The following ANK3 variants were observed in gnomAD, a reference collection of about 807,000 sequenced individuals.
ANK3 encodes the protein ankyrin 3, also known as ankyrin-3.
ANK3 carries 57 observed loss-of-function variants against 370.9 expected under a neutral mutation model. That is an observed-to-expected ratio of 0.15 (90% CI 0.12 to 0.19). ANK3 has a LOEUF of 0.19. Among genes scored for constraint, ANK3 ranks in the 10% least tolerant of loss-of-function variants. The pLI, the probability that ANK3 is intolerant of heterozygous loss-of-function variation, is 1.00. For synonymous variants in ANK3, 1,929 were observed against 1,946.3 expected, an observed-to-expected ratio of 0.99 and a Z score of 0.23; for missense variants, 4,439 against 5,302.1, an observed-to-expected ratio of 0.84 and a Z score of 5.06.
chr10:60,444,938 G>A (rs759043993), intron 2 of ANK3, among the ~76,000 whole-genome samples: 2 of 152,034 alleles, frequency 1.3e-5, no homozygotes, highest in Non-Finnish European at 2.9e-5. Context: ...TTCTAAAAAT[G>A]AACTCTTTCT....
At chr10:60,347,900 A>T (rs1209297704) in intron 1 of ANK3, among the ~76,000 whole-genome samples, 3 of 152,090 alleles carry the variant, frequency 2.0e-5, no homozygotes, top group African/African-American at 7.2e-5. Flanking sequence ...TAAACTCTCA[A>T]TAAAGTGTGC....
At chr10:60,531,365 G>A (rs2076601694) in intron 2 of ANK3, among the ~76,000 whole-genome samples, 1 of 152,036 alleles carries the variant, frequency 6.6e-6, no homozygotes, top group Non-Finnish European at 1.5e-5. Context: ...GAGGTTCAGT[G>A]TGTATATATT....
chr10:60,360,274 C>T (rs1018316171), intron 1 of ANK3, among the ~76,000 whole-genome samples: 2 of 152,184 alleles, frequency 1.3e-5, no homozygotes, highest in Non-Finnish European at 2.9e-5. Context: ...TTATCAGAAA[C>T]AATTCTTTTA....
chr10:60,074,839 C>G lies in ANK3; in HGVS notation c.6042G>C (p.Glu2014Asp), dbSNP rs764006864. The change falls in exon 37 of 44, where the codon GAG becomes GAC. Residue 2014 changes from glutamate to aspartate, a missense_variant. By Grantham distance (45) the Glu-to-Asp change is conservative (BLOSUM62 2). Coordinates refer to ENST00000280772, the MANE Select transcript of ANK3 (RefSeq NM_020987.5). Reference protein sequence around the residue: ...AAASQSPSLPERVQVKAKAAS... With the variant: ...AAASQSPSLPDRVQVKAKAAS... Reference sequence around the variant, plus strand: ...CGGCTTTTGCTTTTACTTGCACTCTCTCTGGCAGAGATGGAGACTGGCTCG... The same window carrying G: ...CGGCTTTTGCTTTTACTTGCACTCTGTCTGGCAGAGATGGAGACTGGCTCG... 1.2e-6 allele frequency: 2 copies of G among 1,613,590 alleles called. No homozygotes were observed. Among genetic ancestry groups the G allele is most frequent in the African/African-American group, 2.7e-5 (2 of 74,878 alleles).
chr10:60,634,757 G>A (rs933069889), intron 1 of ANK3, among the ~76,000 whole-genome samples: 1 of 152,064 alleles, frequency 6.6e-6, no homozygotes, highest in Non-Finnish European at 1.5e-5. Context: ...AAGGTCCGCA[G>A]CTTCACTCCT....
At chr10:60,459,170 T>C (rs570022212) in intron 2 of ANK3, among the ~76,000 whole-genome samples, 37 of 152,178 alleles carry the variant, frequency 2.4e-4, no homozygotes, top group Admixed American at 5.2e-4. Context: ...ACATGTTATA[T>C]ACAGAACAAT....
At chr10:60,384,315 A>C (rs1325598431) in intron 1 of ANK3, among the ~76,000 whole-genome samples, 1 of 152,194 alleles carries the variant, frequency 6.6e-6, no homozygotes, top group African/African-American at 2.4e-5. Flanking sequence ...GAATCTTAAG[A>C]AAAAACATTA....
intron 1 of ANK3, among the ~76,000 whole-genome samples, chr10:60,634,405 T>C (rs2078523990): frequency 6.6e-6 from 1 of 152,156 alleles, no homozygotes; most frequent in Non-Finnish European, 1.5e-5. Context: ...CAGCTGGACT[T>C]CCTGGGTCGA....
intron 18 of ANK3, among the ~76,000 whole-genome samples, chr10:60,174,408 C>T (rs1445454561): frequency 1.3e-5 from 2 of 152,150 alleles, no homozygotes; most frequent in African/African-American, 2.4e-5. Flanking sequence ...GACCAGAATC[C>T]ATTTGCCTGC....
chr10:60,568,211 G>A (rs992782758), intron 2 of ANK3, among the ~76,000 whole-genome samples: 8 of 152,088 alleles, frequency 5.3e-5, no homozygotes, highest in African/African-American at 1.2e-4. Flanking sequence ...GATCTTTCAC[G>A]AAACGAAGAG....
At position 60,073,103 on chromosome 10, in the gene ANK3, T is replaced by C. The variant is rs370340674; in HGVS notation, c.7778A>G (p.Gln2593Arg). The C allele has an allele frequency of 3.1e-6, 5 of 1,614,060 alleles. No individual in the cohort carries two copies. The African/African-American group carries it at 5.3e-5, about 17-fold the overall frequency. The change falls in exon 37 of 44, where the codon CAG (glutamine) becomes CGG (arginine). Residue 2593 changes from glutamine (Q) to arginine (R), a missense_variant. Physicochemically the swap from Gln to Arg is conservative, Grantham distance 43. This residue lies in a region of ANK3 where 1,601 missense variants were observed against 1,731.7 expected (regional missense o/e 0.92). Transcript: ENST00000280772. ...EAEEKLTEVS[Q>R]FFRDKTEKLN... ...CTTTTCAGTTTTGTCACGAAAAAAC[T>C]GTGACACTTCAGTCAGTTTTTCTTC... is the stretch of plus-strand genomic sequence containing the variant.
At chr10:60,534,212 C>T (rs924474172) in intron 2 of ANK3, among the ~76,000 whole-genome samples, 3 of 152,170 alleles carry the variant, frequency 2.0e-5, no homozygotes, top group Admixed American at 6.6e-5. Context: ...ACATAATTTC[C>T]TTCCTAGGTG....
At chr10:60,712,043 A>AGAAG (rs1166942654) in intron 1 of ANK3, among the ~76,000 whole-genome samples, 1 of 152,234 alleles carries the variant, frequency 6.6e-6, no homozygotes, top group Non-Finnish European at 1.5e-5. Flanking sequence ...ATATGTCACC[A>AGAAG]GAAGACCTGC....
chr10:60,571,379 AT>A (rs1041925549), intron 2 of ANK3, among the ~76,000 whole-genome samples: 13 of 152,248 alleles, frequency 8.5e-5, no homozygotes, highest in African/African-American at 2.6e-4. Flanking sequence ...GATTATGAAC[AT>A]TTTTTTAAAC....
chr10:60,398,739 A>G (rs1314048255), intron 2 of ANK3, among the ~76,000 whole-genome samples: 1 of 152,216 alleles, frequency 6.6e-6, no homozygotes, highest in African/African-American at 2.4e-5. Context: ...ACAAATGGTC[A>G]GCAAGCATAA....
chr10:60,243,846 G>A (rs552664616), intron 7 of ANK3, among the ~76,000 whole-genome samples: 93 of 152,298 alleles, frequency 6.1e-4, no homozygotes, highest in Non-Finnish European at 1.0e-3. Context: ...ATCTTATGAG[G>A]GATGCAAAGG....
chr10:60,599,496 T>G lies in ANK3; in HGVS notation c.96+15690A>C, dbSNP rs149154114. On this transcript the variant is annotated intron_variant, in intron 2 of 43. Coordinates refer to the ANK3 transcript ENST00000373827. The stretch of plus-strand genomic sequence containing the variant: ...AGGCAGTTTATATAACATCATCACC[T>G]TATCTTTTCTATTGATTCCTTTCTG... Among the ~76,000 whole-genome samples, 570 of 152,336 alleles carry G rather than the reference T, an allele frequency of 3.7e-3. 4 individuals carry two copies. The highest frequency in any genetic ancestry group is 0.013 in the African/African-American group (545 of 41,582).
At chr10:60,674,789 C>T (rs757793340) in intron 1 of ANK3, among the ~76,000 whole-genome samples, 5 of 152,158 alleles carry the variant, frequency 3.3e-5, no homozygotes, top group Non-Finnish European at 5.9e-5. Context: ...CAATTATAAT[C>T]TTTAATAAAT....
chr10:60,631,965 A>G (rs1204603511), intron 1 of ANK3, among the ~76,000 whole-genome samples: 1 of 152,158 alleles, frequency 6.6e-6, no homozygotes, highest in Non-Finnish European at 1.5e-5. Context: ...TACAATTTAC[A>G]CCTAGATATT....
Sources: allele counts gnomAD v4.1 joint callset (sites outside exome capture counted in the v4.1 genomes callset), GRCh38; gene constraint gnomAD v4.1.1; regional missense constraint gnomAD v4.1.1; transcripts MANE v1.5; gene names NCBI Gene and HGNC (gene_info 2026-07-23, HGNC 2026-07-21).